The following FLT1 variants were observed in gnomAD, a reference collection of about 807,000 sequenced individuals.
The protein encoded by FLT1 is vascular endothelial growth factor receptor 1.
FLT1 carries 49 observed loss-of-function variants against 156.3 expected under a neutral mutation model. The ratio of observed to expected loss-of-function variants is 0.31; its 90% CI spans 0.25 to 0.40. FLT1 has a LOEUF of 0.40. Ranked by LOEUF, FLT1 falls within the 10% of genes least tolerant of loss-of-function variation. FLT1 has a pLI of 1.00. For missense variants in FLT1, 1,322 were observed against 1,637.2 expected, an observed-to-expected ratio of 0.81 and a Z score of 3.32; for synonymous variants, 594 against 583.8, an observed-to-expected ratio of 1.02 and a Z score of -0.25.
intron 3 of FLT1, among the ~76,000 whole-genome samples, chr13:28,460,816 ACACACACACACACG>A (rs1879533268): frequency 6.6e-6 from 1 of 151,914 alleles, no homozygotes; most frequent in Non-Finnish European, 1.5e-5. Flanking sequence ...ACACACACAC[ACACACACACACACG>A]CACGTATGTA....
chr13:28,467,660 T>C (rs1018577653), intron 1 of FLT1, 43 bp from the exon 2 acceptor site: 1 of 1,096,574 alleles, frequency 9.1e-7, no homozygotes, highest in African/African-American at 1.6e-5. Flanking sequence ...TAAATTGTCT[T>C]CTTACCTTTT....
At chr13:28,427,678 G>T in intron 9 of FLT1, 74 bp downstream of exon 9, 3 of 1,332,482 alleles carry the variant, frequency 2.3e-6, no homozygotes, top group Non-Finnish European at 2.2e-6. Flanking sequence ...TTGTTACGCT[G>T]ATTTTTGAAT....
At chr13:28,395,154 A>T (rs557285869) in intron 12 of FLT1, among the ~76,000 whole-genome samples, 1 of 152,318 alleles carries the variant, frequency 6.6e-6, no homozygotes, top group African/African-American at 2.4e-5. Context: ...GGTCATCATG[A>T]AAGTATATTT....
At chr13:28,492,532 G>C (rs1267605698) in intron 1 of FLT1, among the ~76,000 whole-genome samples, 1 of 152,152 alleles carries the variant, frequency 6.6e-6, no homozygotes, top group Non-Finnish European at 1.5e-5. Flanking sequence ...GTAATACTGA[G>C]CCTCTGGTTA....
At chr13:28,468,816 C>T (rs1879991196) in intron 1 of FLT1, among the ~76,000 whole-genome samples, 1 of 152,208 alleles carries the variant, frequency 6.6e-6, no homozygotes, top group Non-Finnish European at 1.5e-5. Context: ...CATGCTTGTA[C>T]AGCCTGGAGA....
intron 17 of FLT1, among the ~76,000 whole-genome samples, chr13:28,334,839 T>A (rs1180972234): frequency 6.6e-6 from 1 of 152,156 alleles, no homozygotes; most frequent in Non-Finnish European, 1.5e-5. Context: ...TTAATATGTT[T>A]CTTTCCCTAT....
chr13:28,384,993 G>C lies in FLT1; in HGVS notation c.2008C>G (p.His670Asp), dbSNP rs115349395. Residue 670 changes from histidine (H) to aspartate (D), a missense_variant, in exon 14 of 30, where the codon CAC becomes GAC. Physicochemically the swap from His to Asp is moderately conservative, Grantham distance 81 (BLOSUM62 -1). Coordinates refer to ENST00000282397, the MANE Select transcript of FLT1 (RefSeq NM_002019.4). ...GTGGAACTGCTGATGGCCACTGTGT[G>C]ATCACTGAGGTTTCGCAGGAGGTAT... ...APYLLRNLSD[H>D]TVAISSSTTL... 14 of 1,614,100 alleles carry C rather than the reference G, an allele frequency of 8.7e-6. No homozygotes were observed. The East Asian group carries it at 3.1e-4, about 36-fold the overall frequency.
intron 2 of FLT1, among the ~76,000 whole-genome samples, 165 bp from the exon 3 acceptor site, chr13:28,467,294 T>A (rs1380515076): frequency 1.3e-5 from 2 of 152,078 alleles, no homozygotes; most frequent in African/African-American, 4.8e-5. Context: ...AGAACAATAC[T>A]CAGAATAAAG....
chr13:28,366,274 C>T lies in FLT1; in HGVS notation c.2117-8589G>A, dbSNP rs1298876467. On this transcript the variant is annotated intron_variant, in intron 14 of 29. Transcript: ENST00000282397. Reference sequence around the variant, plus strand: ...TTTTATGTTGTTACTAAGCAAGGACCTTCATGATCTGGCCCCTTCCTATCT... The same window carrying T: ...TTTTATGTTGTTACTAAGCAAGGACTTTCATGATCTGGCCCCTTCCTATCT... 3.3e-5 allele frequency among the ~76,000 whole-genome samples: 5 copies of T among 152,240 alleles called. No homozygotes were observed. In the East Asian group the frequency reaches 9.6e-4, roughly 29 times the overall value.
At chr13:28,460,797 T>TACACAC (rs369507550) in intron 3 of FLT1, among the ~76,000 whole-genome samples, 187 of 146,002 alleles carry the variant, frequency 1.3e-3, no homozygotes, top group African/African-American at 3.4e-3. Flanking sequence ...TCAGACCCAT[T>TACACAC]ACACACACAC....
In FLT1 at chr13:28,372,566, G is replaced by GCATATATATATATATA. The variant is rs1279204338; in HGVS notation, c.2116+12318_2116+12319insTATATATATATATATG. ...CATATATTCCTCGTTTAAATAAAAT[G>GCATATATATATATATA]TATATATATATATATATATATATAT... On this transcript the variant is annotated intron_variant, in intron 14 of 29. Transcript: ENST00000282397. Among the ~76,000 whole-genome samples the GCATATATATATATATA allele has an allele frequency of 2.0e-3, 182 of 91,432 alleles. 15 individuals carry two copies. Among genetic ancestry groups the GCATATATATATATATA allele is most frequent in the Non-Finnish European group, 3.1e-3 (138 of 45,004 alleles). 60.0% of individuals were successfully genotyped at this position (91,432 alleles called of 152,430 possible).
At chr13:28,461,963 A>C (rs1879602173) in intron 3 of FLT1, among the ~76,000 whole-genome samples, 1 of 152,232 alleles carries the variant, frequency 6.6e-6, no homozygotes, top group African/African-American at 2.4e-5. Context: ...TAATCAAGTA[A>C]AGAGAAACAG....
intron 18 of FLT1, among the ~76,000 whole-genome samples, chr13:28,332,523 A>G (rs146473150): frequency 8.8e-4 from 134 of 152,260 alleles, no homozygotes; most frequent in Non-Finnish European, 1.7e-3. Context: ...TCCATAAACT[A>G]GGCCAGGATC....
chr13:28,427,118 A>G, intron 10 of FLT1, 41 bp downstream of exon 10: 1 of 1,584,072 alleles, frequency 6.3e-7, no homozygotes, highest in Non-Finnish European at 8.7e-7. Context: ...CCAGGTGTCA[A>G]AAAGTATTTG....
intron 14 of FLT1, among the ~76,000 whole-genome samples, chr13:28,370,685 T>C (rs1056173699): frequency 2.0e-5 from 3 of 152,244 alleles, no homozygotes; most frequent in Non-Finnish European, 4.4e-5. Flanking sequence ...CCTAACTCTA[T>C]GGTTATTATC....
At chr13:28,385,337 C>T (rs1874296372) in intron 13 of FLT1, among the ~76,000 whole-genome samples, 1 of 152,128 alleles carries the variant, frequency 6.6e-6, no homozygotes, top group African/African-American at 2.4e-5. Flanking sequence ...TTTTCTAAAA[C>T]TCAAGGATTT....
chr13:28,384,113 C>T (rs778928630), intron 14 of FLT1, among the ~76,000 whole-genome samples: 3 of 152,084 alleles, frequency 2.0e-5, no homozygotes, highest in Non-Finnish European at 4.4e-5. Flanking sequence ...TTACCAAATC[C>T]TTAACATCTG....
At chr13:28,488,075 C>G (rs183474508) in intron 1 of FLT1, among the ~76,000 whole-genome samples, 1 of 151,806 alleles carries the variant, frequency 6.6e-6, no homozygotes, top group East Asian at 1.9e-4. Flanking sequence ...TAGTCACACA[C>G]GTCAAAGTTC....
intron 10 of FLT1, among the ~76,000 whole-genome samples, chr13:28,412,864 G>A (rs748305780): frequency 4.6e-5 from 7 of 150,686 alleles, no homozygotes; most frequent in South Asian, 4.2e-4. Context: ...GGCCGGCCAC[G>A]TTCTCTTAAA....
Sources: gnomAD v4.1 joint callset for allele counts (sites outside exome capture counted in the v4.1 genomes callset) on GRCh38, gnomAD v4.1.1 for gene constraint, MANE v1.5 for transcripts, NCBI Gene and HGNC (gene_info 2026-07-23, HGNC 2026-07-21) for gene names.